FBXL7: variants seen among roughly 807,000 people sequenced by gnomAD.
FBXL7 encodes the protein F-box/LRR-repeat protein 7.
FBXL7 carries 12 observed loss-of-function variants against 38.3 expected under a neutral mutation model. The ratio of observed to expected loss-of-function variants is 0.31; its 90% CI spans 0.20 to 0.51. The LOEUF (loss-of-function observed/expected upper bound fraction) is 0.51. FBXL7 is among the 20% of genes least tolerant of loss of function. The pLI, the probability that FBXL7 is intolerant of heterozygous loss-of-function variation, is 0.98. For missense variants in FBXL7, 567 were observed against 676.4 expected, an observed-to-expected ratio of 0.84 and a Z score of 1.79; for synonymous variants, 297 against 300.9, an observed-to-expected ratio of 0.99 and a Z score of 0.13.
At chr5:15,571,144 C>G (rs1738768214) in intron 1 of FBXL7, among the ~76,000 whole-genome samples, 1 of 150,430 alleles carries the variant, frequency 6.6e-6, no homozygotes, top group East Asian at 1.9e-4. Flanking sequence ...AATGTTTGAG[C>G]AGCTAAACAT....
intron 1 of FBXL7, among the ~76,000 whole-genome samples, chr5:15,545,290 T>C (rs1737867287): frequency 6.6e-6 from 1 of 152,238 alleles, no homozygotes; most frequent in African/African-American, 2.4e-5. Flanking sequence ...TTACTAGTTC[T>C]CCTAAGTTAA....
chr5:15,936,964 G>C lies in FBXL7; in HGVS notation c.1254G>C (p.Thr418=), dbSNP rs1432788839. The C allele has an allele frequency of 3.7e-6, 6 of 1,614,000 alleles. No individual in the cohort carries two copies. Among genetic ancestry groups the C allele is most frequent in the South Asian group, 1.1e-5 (1 of 91,082 alleles). ...GCAAATGCCCTTTGGTATCCGACAC[G>C]GGCCTGGAGTGCCTGGCCCTGAACT... The part of the protein sequence containing the change: ...DIGKCPLVSD[T]GLECLALNCF... Residue 418 remains threonine (T), a synonymous_variant, in exon 4 of 4, where the codon ACG becomes ACC. Coordinates refer to ENST00000504595, the MANE Select transcript of FBXL7 (RefSeq NM_012304.5). This position sits in a 1 kb window ranked among gnomAD's most constrained non-coding sequence, Gnocchi z 6.0.
intron 2 of FBXL7, among the ~76,000 whole-genome samples, chr5:15,694,175 G>A (rs1485044791): frequency 6.6e-6 from 1 of 152,194 alleles, no homozygotes; most frequent in Non-Finnish European, 1.5e-5. Flanking sequence ...CTAGGGGTCT[G>A]AGTAATGGTG....
intron 2 of FBXL7, among the ~76,000 whole-genome samples, chr5:15,789,891 G>A (rs1038660097): frequency 6.6e-5 from 10 of 152,140 alleles, no homozygotes; most frequent in African/African-American, 9.7e-5. Flanking sequence ...TCTAAAGCAC[G>A]ATGCTTACAA....
In FBXL7 at chr5:15,780,775, A is replaced by G. The variant is rs562420245; in HGVS notation, c.128-147115A>G. Among the ~76,000 whole-genome samples, 50 of 152,320 alleles carry G rather than the reference A, an allele frequency of 3.3e-4. 1 individual carries two copies. In the South Asian group the frequency reaches 9.9e-3, roughly 30 times the overall value. On this transcript the variant is annotated intron_variant, in intron 2 of 3. Coordinates refer to ENST00000504595, the MANE Select transcript of FBXL7 (RefSeq NM_012304.5). ...TTTACTATTCTGAAGAATTAAGTACAGAAATGTGTGACCTGAGAGTTAGCA... is the reference window on the plus strand; with the variant it reads ...TTTACTATTCTGAAGAATTAAGTACGGAAATGTGTGACCTGAGAGTTAGCA...
intron 1 of FBXL7, among the ~76,000 whole-genome samples, chr5:15,532,820 G>A (rs930017677): frequency 6.6e-6 from 1 of 152,228 alleles, no homozygotes; most frequent in African/African-American, 2.4e-5. Flanking sequence ...AGCCCAAGCA[G>A]TGGCTGTAGT....
intron 3 of FBXL7, among the ~76,000 whole-genome samples, chr5:15,930,425 C>T (rs1328503586): frequency 1.3e-5 from 2 of 152,098 alleles, no homozygotes; most frequent in Non-Finnish European, 2.9e-5. Context: ...TTTGGAATCC[C>T]TATCTTTGTA....
chr5:15,742,944 C>T (rs563076692), intron 2 of FBXL7, among the ~76,000 whole-genome samples: 22 of 152,220 alleles, frequency 1.4e-4, no homozygotes, highest in African/African-American at 4.8e-4. Flanking sequence ...CTTACAAAAC[C>T]ATCAGATCTC....
intron 2 of FBXL7, among the ~76,000 whole-genome samples, chr5:15,705,292 G>T (rs1459585328): frequency 5.9e-5 from 9 of 152,162 alleles, no homozygotes; most frequent in Non-Finnish European, 1.3e-4. Flanking sequence ...TATCCCTTTT[G>T]TCTACAACAG....
chr5:15,680,946 A>G (rs1207607082), intron 2 of FBXL7, among the ~76,000 whole-genome samples: 2 of 152,198 alleles, frequency 1.3e-5, no homozygotes, highest in Non-Finnish European at 2.9e-5. Flanking sequence ...AGTTCATGCC[A>G]TTGATGAGCA....
chr5:15,729,599 A>C (rs751484949), intron 2 of FBXL7, among the ~76,000 whole-genome samples: 11 of 152,180 alleles, frequency 7.2e-5, no homozygotes, highest in Non-Finnish European at 1.5e-4. Context: ...ATAGTGTATC[A>C]GTAGTAATGT....
At chr5:15,827,966 C>G (rs952405005) in intron 2 of FBXL7, among the ~76,000 whole-genome samples, 1 of 152,182 alleles carries the variant, frequency 6.6e-6, no homozygotes, top group Admixed American at 6.5e-5. Flanking sequence ...AGCATTTGTC[C>G]TTATGTTCAA....
chr5:15,841,419 A>G (rs1738743219), intron 2 of FBXL7, among the ~76,000 whole-genome samples: 1 of 152,170 alleles, frequency 6.6e-6, no homozygotes, highest in Non-Finnish European at 1.5e-5. Context: ...TGAAATAAAA[A>G]ACATAAATAG....
chr5:15,921,948 A>G (rs574968522), intron 2 of FBXL7, among the ~76,000 whole-genome samples: 2 of 152,100 alleles, frequency 1.3e-5, no homozygotes, highest in Non-Finnish European at 2.9e-5. Flanking sequence ...AAAGTAGAGT[A>G]CCATATGACC....
intron 1 of FBXL7, among the ~76,000 whole-genome samples, chr5:15,509,836 C>T (rs905252774): frequency 2.6e-5 from 4 of 152,188 alleles, no homozygotes; most frequent in African/African-American, 9.6e-5. Context: ...CTGGGTGCTT[C>T]CCCAGCCTGT....
chr5:15,747,927 G>A (rs77707049), intron 2 of FBXL7, among the ~76,000 whole-genome samples: 428 of 152,288 alleles, frequency 2.8e-3, no homozygotes, highest in Middle Eastern at 0.02. Flanking sequence ...ATACTTTGCT[G>A]GTAATTCTTT....
intron 1 of FBXL7, among the ~76,000 whole-genome samples, chr5:15,527,428 G>A (rs151049169): frequency 1.3e-5 from 2 of 151,982 alleles, no homozygotes; most frequent in Admixed American, 6.6e-5. Context: ...AGAAATTAAC[G>A]TTTTCAATAT....
Position 15,857,793 on chromosome 5 carries a change from A to G in FBXL7, c.128-70097A>G, listed in dbSNP as rs189167353. Among the ~76,000 whole-genome samples the G allele has an allele frequency of 1.1e-4, 16 of 152,326 alleles. No homozygotes were observed. In the East Asian group the frequency reaches 1.2e-3, roughly 11 times the overall value. ...AATAGATGATTTATTTTTTCCTCCA[A>G]TAAAGTTAGGTATCTTTTTAACTAC... On this transcript the variant is annotated intron_variant, in intron 2 of 3. Coordinates refer to ENST00000504595, the MANE Select transcript of FBXL7 (RefSeq NM_012304.5).
At chr5:15,684,410 G>A (rs1433832599) in intron 2 of FBXL7, among the ~76,000 whole-genome samples, 1 of 152,216 alleles carries the variant, frequency 6.6e-6, no homozygotes, top group Non-Finnish European at 1.5e-5. Context: ...GTAAATAGGA[G>A]TATTGCAGGC....
Sources: allele counts gnomAD v4.1 joint callset (sites outside exome capture counted in the v4.1 genomes callset), GRCh38; gene constraint gnomAD v4.1.1; non-coding constraint Gnocchi (gnomAD v3.1); transcripts MANE v1.5; gene names NCBI Gene and HGNC (gene_info 2026-07-23, HGNC 2026-07-21).